Variants in TMEM74 observed in about 807,000 individuals in gnomAD.
TMEM74 encodes transmembrane protein 74.
In TMEM74, 13 loss-of-function variants were observed where a neutral mutation model predicts 18.1. That is an observed-to-expected ratio of 0.72 (90% CI 0.47 to 1.14). TMEM74 has a LOEUF of 1.14. Among genes scored for constraint, TMEM74 ranks in the 50% most tolerant of loss-of-function variants. The probability of loss-of-function intolerance (pLI) is 0.00; values close to 1 mark genes in which losing one functional copy is unlikely to be tolerated. For synonymous variants in TMEM74, 159 were observed against 146.6 expected, an observed-to-expected ratio of 1.08 and a Z score of -0.61; for missense variants, 372 against 375.9, an observed-to-expected ratio of 0.99 and a Z score of 0.09.
intron 2 of TMEM74, chr8:108,653,136 C>T (rs1372540358): frequency 1.8e-5 from 3 of 163,566 alleles, no homozygotes; most frequent in Non-Finnish European, 2.7e-5. Context: ...CAGGACAGCC[C>T]ACTTGTCTGT....
At position 108,780,564 on chromosome 8, in the gene TMEM74, A is replaced by C. The variant is rs1814292510; in HGVS notation, c.*3617T>G. ...GTTTGGCAGCGCAGTCTCTTTTCAG[A>C]AATTGTACCTTGAAGGGCATGTGCC... On this transcript the variant is annotated 3_prime_UTR_variant, in exon 2 of 2. Coordinates refer to ENST00000297459, the MANE Select transcript of TMEM74 (RefSeq NM_153015.3). Among the ~76,000 whole-genome samples, 1 of 152,194 alleles carries C rather than the reference A, an allele frequency of 6.6e-6. No homozygotes were observed. The highest frequency in any genetic ancestry group is 2.1e-4 in the South Asian group (1 of 4,836).
At chr8:108,778,027 T>C (rs1454995335), downstream of TMEM74, among the ~76,000 whole-genome samples, 1 of 152,198 alleles carries the variant, frequency 6.6e-6, no homozygotes, top group African/African-American at 2.4e-5. Flanking sequence ...AAATTTGCCT[T>C]CTCTGGAGAC....
chr8:108,702,367 G>C (rs199501672), intron 1 of TMEM74, among the ~76,000 whole-genome samples: 1 of 136,378 alleles, frequency 7.3e-6, no homozygotes, highest in Admixed American at 7.3e-5. Flanking sequence ...AAAAAAGAAA[G>C]AAAAGCCTCA....
rs375792354 is a variant in TMEM74 at position 108,666,389 on chromosome 8, G to A, written n.120-10952C>T. On this transcript the variant is annotated intron_variant and non_coding_transcript_variant, in intron 1 of 3. Transcript: ENST00000518838. ...ATAATTCCTAAAAGAATTTAAAAGC[G>A]TCAAAGTCAAGGACAAGAACTGGTA... Among the ~76,000 whole-genome samples the A allele has an allele frequency of 1.4e-4, 21 of 152,262 alleles. No homozygotes were observed. In the East Asian group the frequency reaches 3.3e-3, roughly 24 times the overall value.
intron 1 of TMEM74, among the ~76,000 whole-genome samples, chr8:108,731,466 C>A (rs1813694727): frequency 1.3e-5 from 2 of 152,158 alleles, no homozygotes; most frequent in African/African-American, 2.4e-5. Context: ...CCTGCCAAAG[C>A]ATTTAATGCA....
chr8:108,768,526 A>G lies in TMEM74; in HGVS notation n.119+18950T>C, dbSNP rs1586291349. ...ACAGAAAAATTCAATTTATATAATC[A>G]TGACATACATAGGTGTTGTCTCTGA... On this transcript the variant is annotated intron_variant and non_coding_transcript_variant, in intron 1 of 3. Coordinates refer to the TMEM74 transcript ENST00000518838. 2.0e-5 allele frequency among the ~76,000 whole-genome samples: 3 copies of G among 152,202 alleles called. No homozygotes were observed. In the South Asian group the frequency reaches 6.2e-4, roughly 31 times the overall value.
At chr8:108,653,723 G>A (rs11996639) in intron 2 of TMEM74, among the ~76,000 whole-genome samples, 289 of 152,164 alleles carry the variant, frequency 1.9e-3, no homozygotes, top group Middle Eastern at 6.8e-3. Context: ...AGTGCATAAA[G>A]ATGATTCATT....
rs561891438 is a variant in TMEM74 at position 108,619,539 on chromosome 8, C to A, written n.265-10713G>T. Among the ~76,000 whole-genome samples, 7 of 152,248 alleles carry A rather than the reference C, an allele frequency of 4.6e-5. No individual in the cohort carries two copies. The South Asian group carries it at 1.5e-3, about 32-fold the overall frequency. The stretch of plus-strand genomic sequence containing the variant: ...AGCCAGGTGCTGGGAGACCCCTGGC[C>A]ACAGCTCTTTGTGCTTTTTCTCTCT... On this transcript the variant is annotated intron_variant and non_coding_transcript_variant, in intron 2 of 3. Transcript: ENST00000518838.
At chr8:108,721,200 T>C (rs870233) in intron 1 of TMEM74, among the ~76,000 whole-genome samples, 42,983 of 152,110 alleles carry the variant, frequency 0.28, 6,780 homozygotes, top group Middle Eastern at 0.37. Flanking sequence ...CCCCAACCTC[T>C]GTATCCAAGA....
intron 1 of TMEM74, among the ~76,000 whole-genome samples, chr8:108,756,604 AAGG>A (rs1813967489): frequency 2.5e-5 from 1 of 40,306 alleles, no homozygotes; most frequent in Admixed American, 2.4e-4. Flanking sequence ...AAGAGAAAGG[AAGG>A]AAGGAAGGAA....
At chr8:108,645,484 A>T (rs1431680266) in intron 2 of TMEM74, among the ~76,000 whole-genome samples, 1 of 152,100 alleles carries the variant, frequency 6.6e-6, no homozygotes, top group Non-Finnish European at 1.5e-5. Context: ...TGGTATTGAG[A>T]TCTAGCAGAA....
intron 1 of TMEM74, among the ~76,000 whole-genome samples, chr8:108,755,675 A>G (rs1280091147): frequency 1.3e-5 from 2 of 152,098 alleles, no homozygotes; most frequent in Non-Finnish European, 2.9e-5. Flanking sequence ...GATGTTTAAG[A>G]AATGATTGTG....
intron 1 of TMEM74, among the ~76,000 whole-genome samples, chr8:108,670,773 G>A (rs920104917): frequency 6.6e-6 from 1 of 151,964 alleles, no homozygotes; most frequent in African/African-American, 2.4e-5. Flanking sequence ...CGTAATATTA[G>A]GACCCAGCAA....
chr8:108,745,826 C>T (rs563725276), intron 1 of TMEM74, among the ~76,000 whole-genome samples: 1 of 152,118 alleles, frequency 6.6e-6, no homozygotes. Flanking sequence ...GACCCCTGAC[C>T]TAATCAGTTA....
chr8:108,757,293 A>T (rs956726703), intron 1 of TMEM74, among the ~76,000 whole-genome samples: 6 of 152,028 alleles, frequency 3.9e-5, no homozygotes, highest in Non-Finnish European at 8.8e-5. Context: ...AATAATTAGG[A>T]TCATCTTCAA....
At chr8:108,665,141 G>C (rs1311253122) in intron 1 of TMEM74, among the ~76,000 whole-genome samples, 2 of 152,094 alleles carry the variant, frequency 1.3e-5, no homozygotes, top group African/African-American at 4.8e-5. Flanking sequence ...AACAAGCCAA[G>C]TTGAGAGGTT....
At chr8:108,756,644 A>G (rs1813970575) in intron 1 of TMEM74, among the ~76,000 whole-genome samples, 1 of 73,770 alleles carries the variant, frequency 1.4e-5, no homozygotes, top group Admixed American at 1.5e-4. Context: ...GGAAGGAAGA[A>G]AGAAAGAGAA....
chr8:108,694,517 A>G (rs1813262041), intron 1 of TMEM74, among the ~76,000 whole-genome samples: 1 of 152,214 alleles, frequency 6.6e-6, no homozygotes, highest in Non-Finnish European at 1.5e-5. Flanking sequence ...ATGAAGAATG[A>G]TGCTGAATTC....
intron 2 of TMEM74, chr8:108,652,440 AC>A (rs1812783902): frequency 2.9e-6 from 1 of 344,402 alleles, no homozygotes; most frequent in Non-Finnish European, 5.5e-6. Flanking sequence ...ATATCTGAAT[AC>A]CTAAAATATC....
Sources: gnomAD v4.1 joint callset for allele counts (sites outside exome capture counted in the v4.1 genomes callset) on GRCh38, gnomAD v4.1.1 for gene constraint, MANE v1.5 for transcripts, NCBI Gene and HGNC (gene_info 2026-07-23, HGNC 2026-07-21) for gene names.